The following TEAD1 variants were observed in gnomAD, a reference collection of about 807,000 sequenced individuals.
TEAD1 encodes the protein transcriptional enhancer factor TEF-1.
TEAD1 carries 9 observed loss-of-function variants against 54.9 expected under a neutral mutation model. That is an observed-to-expected ratio of 0.16 (90% CI 0.10 to 0.29). The LOEUF (loss-of-function observed/expected upper bound fraction) is 0.29. Among genes scored for constraint, TEAD1 ranks in the 10% least tolerant of loss-of-function variants. TEAD1 has a pLI of 1.00. For missense variants in TEAD1, 387 were observed against 535.9 expected, an observed-to-expected ratio of 0.72 and a Z score of 2.74; for synonymous variants, 200 against 187.8, an observed-to-expected ratio of 1.07 and a Z score of -0.53.
intron 9 of TEAD1, among the ~76,000 whole-genome samples, chr11:12,894,205 C>T (rs890836756): frequency 9.9e-5 from 15 of 152,284 alleles, no homozygotes; most frequent in African/African-American, 2.9e-4. Flanking sequence ...GGTTTCACTA[C>T]GTTCTTCAAA....
At chr11:12,858,516 A>G (rs1024747448) in intron 3 of TEAD1, among the ~76,000 whole-genome samples, 1 of 152,246 alleles carries the variant, frequency 6.6e-6, no homozygotes, top group African/African-American at 2.4e-5. Context: ...GCAACATTTT[A>G]GTGCATTTAA....
chr11:12,821,117 T>C (rs977755783), intron 3 of TEAD1, among the ~76,000 whole-genome samples: 1 of 152,196 alleles, frequency 6.6e-6, no homozygotes, highest in Non-Finnish European at 1.5e-5. Context: ...CCCCATTCAA[T>C]TGTCCACTTC....
In TEAD1 at chr11:12,732,072, G is replaced by T. The variant is rs116421663; in HGVS notation, c.-54-32107G>T. On this transcript the variant is annotated intron_variant, in intron 2 of 12. Transcript: ENST00000527636. Reference sequence around the variant, plus strand: ...ATATGATCTTCTCCATCCTATACTTGTGAGTTGATTTTTTTTTTTCAGCCC... The same window carrying T: ...ATATGATCTTCTCCATCCTATACTTTTGAGTTGATTTTTTTTTTTCAGCCC... Among the ~76,000 whole-genome samples the T allele has an allele frequency of 7.8e-3, 1,191 of 151,852 alleles. 21 individuals carry two copies. The highest frequency in any genetic ancestry group is 0.027 in the African/African-American group (1,138 of 41,392).
intron 3 of TEAD1, among the ~76,000 whole-genome samples, chr11:12,837,779 C>CTCTTCCT (rs1946934367): frequency 7.2e-6 from 1 of 138,570 alleles, no homozygotes; most frequent in Non-Finnish European, 1.5e-5. Flanking sequence ...CCTTCTCTTC[C>CTCTTCCT]TCTTCTTCCT....
intron 4 of TEAD1, among the ~76,000 whole-genome samples, chr11:12,863,699 G>A (rs1401511846): frequency 6.6e-6 from 1 of 152,018 alleles, no homozygotes; most frequent in Admixed American, 6.6e-5. Flanking sequence ...CTGACAGTGC[G>A]GGACCTGGGC....
intron 3 of TEAD1, among the ~76,000 whole-genome samples, chr11:12,799,123 A>T (rs1420440536): frequency 6.6e-6 from 1 of 152,208 alleles, no homozygotes; most frequent in Non-Finnish European, 1.5e-5. Flanking sequence ...TGAGAAATAC[A>T]TGTTTATCAT....
intron 3 of TEAD1, among the ~76,000 whole-genome samples, chr11:12,771,781 A>G (rs541121684): frequency 3.3e-5 from 5 of 152,282 alleles, no homozygotes; most frequent in Non-Finnish European, 5.9e-5. Context: ...CAGGCTCACA[A>G]TTTATCAAGG....
At chr11:12,924,281 A>T (rs1265578359) in intron 10 of TEAD1, among the ~76,000 whole-genome samples, 1 of 152,216 alleles carries the variant, frequency 6.6e-6, no homozygotes, top group Non-Finnish European at 1.5e-5. Flanking sequence ...TATCTCTGAC[A>T]TGGTACTTAT....
At chr11:12,675,915 A>G (rs574748190) in intron 2 of TEAD1, among the ~76,000 whole-genome samples, 1 of 152,318 alleles carries the variant, frequency 6.6e-6, no homozygotes, top group African/African-American at 2.4e-5. Flanking sequence ...AAAAATATTT[A>G]TGAAACAATG....
intron 3 of TEAD1, among the ~76,000 whole-genome samples, chr11:12,832,440 A>G (rs1422442066): frequency 6.6e-6 from 1 of 152,202 alleles, no homozygotes; most frequent in Non-Finnish European, 1.5e-5. Flanking sequence ...CCCAAGACCA[A>G]ATTTAATCTA....
At chr11:12,707,147 G>A (rs1943834701) in intron 2 of TEAD1, among the ~76,000 whole-genome samples, 1 of 126,024 alleles carries the variant, frequency 7.9e-6, no homozygotes, top group African/African-American at 3.1e-5. Flanking sequence ...TCAGAAGCAT[G>A]ATGCCAGCAG....
At chr11:12,716,194 C>G (rs1944058683) in intron 2 of TEAD1, among the ~76,000 whole-genome samples, 1 of 152,112 alleles carries the variant, frequency 6.6e-6, no homozygotes, top group South Asian at 2.1e-4. Context: ...CCGGCCAACT[C>G]TCTCCACTGC....
intron 9 of TEAD1, among the ~76,000 whole-genome samples, chr11:12,899,475 A>C (rs1948382351): frequency 1.3e-5 from 2 of 152,028 alleles, no homozygotes; most frequent in Non-Finnish European, 2.9e-5. Context: ...ATACATTTCC[A>C]TGGGCTGTTG....
At chr11:12,751,638 A>G (rs1944872185) in intron 2 of TEAD1, among the ~76,000 whole-genome samples, 1 of 152,226 alleles carries the variant, frequency 6.6e-6, no homozygotes, top group Admixed American at 6.5e-5. Context: ...CTCTCAGTAA[A>G]TGCTTTTACC....
Position 12,939,415 on chromosome 11 carries a change from C to T in TEAD1, c.*2193C>T, listed in dbSNP as rs1235542715. ...CGAGCACAAATGGCTAAAAGCCAAG[C>T]TGTCCTAGAACTTCAGTGGGAGAGC... is the stretch of plus-strand genomic sequence containing the variant. On this transcript the variant is annotated 3_prime_UTR_variant, in exon 13 of 13. Coordinates refer to ENST00000527636, the MANE Select transcript of TEAD1 (RefSeq NM_021961.6). 2.0e-5 allele frequency: 3 copies of T among 152,416 alleles called. No homozygotes were observed. In the East Asian group the frequency reaches 5.8e-4, roughly 29 times the overall value. The allele number at this position is 152,416 out of a possible 1,614,324, so 9.4% of individuals were successfully genotyped here. A position where few individuals can be genotyped will look rare whatever the true frequency, so the allele number is the denominator to read the frequency against.
chr11:12,801,378 A>T (rs565852932), intron 3 of TEAD1, among the ~76,000 whole-genome samples: 2 of 152,240 alleles, frequency 1.3e-5, no homozygotes, highest in Admixed American at 6.5e-5. Context: ...TTGGCTGCAG[A>T]TGTAGAAACT....
At chr11:12,721,697 G>GA (rs1033461847) in intron 2 of TEAD1, among the ~76,000 whole-genome samples, 2 of 151,130 alleles carry the variant, frequency 1.3e-5, no homozygotes, top group Non-Finnish European at 3.0e-5. Context: ...TATTTCAACA[G>GA]AAAAAAAAAG....
At chr11:12,696,228 T>G (rs1476314380) in intron 2 of TEAD1, among the ~76,000 whole-genome samples, 1 of 152,198 alleles carries the variant, frequency 6.6e-6, no homozygotes, top group Non-Finnish European at 1.5e-5. Context: ...TGTTTCGTAA[T>G]TGTGTTGGAC....
chr11:12,883,417 A>C (rs113914730), intron 9 of TEAD1, among the ~76,000 whole-genome samples: 59 of 152,318 alleles, frequency 3.9e-4, no homozygotes, highest in African/African-American at 8.2e-4. Context: ...GTTTTGTAAA[A>C]TTTAACAAGA....
Sources: gnomAD v4.1 joint callset for allele counts (sites outside exome capture counted in the v4.1 genomes callset) on GRCh38, gnomAD v4.1.1 for gene constraint, MANE v1.5 for transcripts, NCBI Gene and HGNC (gene_info 2026-07-23, HGNC 2026-07-21) for gene names.